The following NPAS3 variants were observed in gnomAD, a reference collection of about 807,000 sequenced individuals.
The protein encoded by NPAS3 is neuronal PAS domain protein 3.
A neutral mutation model predicts 73.1 loss-of-function variants in NPAS3; 14 were observed. That is an observed-to-expected ratio of 0.19 (90% CI 0.13 to 0.30). The LOEUF (loss-of-function observed/expected upper bound fraction) is 0.30. NPAS3 is among the 10% of genes least tolerant of loss of function. The pLI is 1.00. For synonymous variants in NPAS3, 620 were observed against 541.5 expected (o/e 1.14, Z -2.01); for missense variants, 1,096 against 1,250.0 (o/e 0.88, Z 1.86).
At chr14:33,369,775 G>A (rs1452710827) in intron 4 of NPAS3, among the ~76,000 whole-genome samples, 1 of 152,180 alleles carries the variant, frequency 6.6e-6, no homozygotes, top group Non-Finnish European at 1.5e-5. Flanking sequence ...TTGGGAAGTA[G>A]TAGTAACAAG....
At chr14:32,986,393 G>C (rs1414828049) in intron 1 of NPAS3, among the ~76,000 whole-genome samples, 3 of 152,114 alleles carry the variant, frequency 2.0e-5, no homozygotes, top group Non-Finnish European at 2.9e-5. Flanking sequence ...AAGGAACCAT[G>C]GACATTTTGA....
At chr14:33,470,462 C>CT (rs1285613046) in intron 4 of NPAS3, among the ~76,000 whole-genome samples, 2 of 152,086 alleles carry the variant, frequency 1.3e-5, no homozygotes, top group Non-Finnish European at 2.9e-5. Flanking sequence ...GAACCATAGG[C>CT]TTAACTGAAA....
intron 4 of NPAS3, among the ~76,000 whole-genome samples, chr14:33,437,990 T>G (rs750543987): frequency 3.9e-5 from 6 of 152,216 alleles, no homozygotes; most frequent in Admixed American, 6.5e-5. Flanking sequence ...GGCTAGGAAT[T>G]TTATAATGAA....
In NPAS3 at chr14:33,373,877, G is replaced by T. The variant is rs186143684; in HGVS notation, c.468+6609G>T. Among the ~76,000 whole-genome samples the T allele has an allele frequency of 7.5e-4, 114 of 152,224 alleles. 1 individual carries two copies. The highest frequency in any genetic ancestry group is 3.4e-3 in the Middle Eastern group (1 of 294). On this transcript the variant is annotated intron_variant, in intron 4 of 11. Coordinates refer to ENST00000356141, the Ensembl canonical transcript of NPAS3. ...ACATTCTAAGATTATGACCCCTGAG[G>T]TTCTCTGACTGGGAGTGGATCAGAA...
intron 4 of NPAS3, among the ~76,000 whole-genome samples, chr14:33,520,300 A>G (rs948251571): frequency 6.6e-6 from 1 of 152,094 alleles, no homozygotes; most frequent in Non-Finnish European, 1.5e-5. Flanking sequence ...TGTATTGTTT[A>G]TATCAAGAAA....
At chr14:33,429,825 G>C (rs955555561) in intron 4 of NPAS3, among the ~76,000 whole-genome samples, 1 of 152,134 alleles carries the variant, frequency 6.6e-6, no homozygotes, top group East Asian at 1.9e-4. Context: ...CTGCTTCAAA[G>C]AATTTGTTCT....
intron 1 of NPAS3, among the ~76,000 whole-genome samples, chr14:33,017,916 T>C (rs1301692549): frequency 6.6e-6 from 1 of 152,164 alleles, no homozygotes; most frequent in African/African-American, 2.4e-5. Flanking sequence ...GTTCATAACA[T>C]TTGTACTTTT....
At chr14:33,690,386 T>A (rs1220301078) in intron 6 of NPAS3, among the ~76,000 whole-genome samples, 2 of 151,990 alleles carry the variant, frequency 1.3e-5, no homozygotes, top group East Asian at 1.9e-4. Context: ...ATAAATAAAT[T>A]AAGAAACTCA....
intron 5 of NPAS3, among the ~76,000 whole-genome samples, chr14:33,589,468 T>C (rs138859047): frequency 2.0e-5 from 3 of 152,220 alleles, no homozygotes; most frequent in African/African-American, 7.2e-5. Flanking sequence ...TGAGGTTCTA[T>C]TGTTACGTCA....
At chr14:33,643,561 CT>C (rs2058739277) in intron 5 of NPAS3, among the ~76,000 whole-genome samples, 1 of 151,948 alleles carries the variant, frequency 6.6e-6, no homozygotes, top group African/African-American at 2.4e-5. Context: ...TGTGAGTTGG[CT>C]TTTTGGTCTT....
At chr14:33,474,499 A>C (rs771068588) in intron 4 of NPAS3, among the ~76,000 whole-genome samples, 6 of 152,152 alleles carry the variant, frequency 3.9e-5, no homozygotes, top group South Asian at 2.1e-4. Flanking sequence ...GTGGACGGAG[A>C]GGAGGTAAAA....
chr14:33,661,128 C>A (rs1226362495), intron 5 of NPAS3, among the ~76,000 whole-genome samples: 3 of 147,788 alleles, frequency 2.0e-5, no homozygotes, highest in Non-Finnish European at 3.0e-5. Flanking sequence ...AGCCGGCAAA[C>A]TGTCTATCAT....
chr14:33,735,729 C>T (rs551699709), intron 7 of NPAS3, among the ~76,000 whole-genome samples: 21 of 152,124 alleles, frequency 1.4e-4, no homozygotes, highest in Admixed American at 3.9e-4. Flanking sequence ...TTTCTCTTTA[C>T]AGAAAGGCTG....
chr14:33,204,709 A>G (rs890201880), intron 2 of NPAS3, among the ~76,000 whole-genome samples: 19 of 152,150 alleles, frequency 1.2e-4, no homozygotes, highest in African/African-American at 3.1e-4. Flanking sequence ...CATAAAGGAC[A>G]TAGAAACCCT....
intron 5 of NPAS3, among the ~76,000 whole-genome samples, chr14:33,576,276 C>T (rs2056429570): frequency 1.3e-5 from 2 of 152,120 alleles, no homozygotes; most frequent in Non-Finnish European, 2.9e-5. Context: ...GTAAATTTTT[C>T]ATCCCTTTCA....
At chr14:33,803,917 C>T (rs374121314), downstream of NPAS3, 35 of 152,234 alleles carry the variant, frequency 2.3e-4, no homozygotes, top group East Asian at 5.4e-3. Flanking sequence ...CGTTACAAAG[C>T]GACAGCTATG....
At chr14:33,539,634 C>A (rs151145763) in intron 4 of NPAS3, among the ~76,000 whole-genome samples, 2 of 152,140 alleles carry the variant, frequency 1.3e-5, no homozygotes, top group South Asian at 2.1e-4. Context: ...CCAAGCCCCA[C>A]GTCCCACAAA....
Position 33,295,740 on chromosome 14 carries a change from A to G in NPAS3, c.386-71446A>G, listed in dbSNP as rs541672179. 2.0e-5 allele frequency among the ~76,000 whole-genome samples: 3 copies of G among 152,324 alleles called. No homozygotes were observed. In the South Asian group the frequency reaches 6.2e-4, roughly 32 times the overall value. ...AGAGGTATTTATAGAGTCCATAAGG[A>G]GTTATATCGGTTCAAACATTTCTCC... On this transcript the variant is annotated intron_variant, in intron 3 of 11. Coordinates refer to ENST00000356141, the Ensembl canonical transcript of NPAS3.
At chr14:33,303,110 G>A (rs1342976177) in intron 3 of NPAS3, among the ~76,000 whole-genome samples, 1 of 152,020 alleles carries the variant, frequency 6.6e-6, no homozygotes, top group Non-Finnish European at 1.5e-5. Context: ...AATACAAAAT[G>A]TACTTTGGAA....
Sources: allele counts gnomAD v4.1 joint callset (sites outside exome capture counted in the v4.1 genomes callset), GRCh38; gene constraint gnomAD v4.1.1; transcripts MANE v1.5; gene names NCBI Gene and HGNC (gene_info 2026-07-23, HGNC 2026-07-21).